GTF2IRD1: variants seen among roughly 807,000 people sequenced by gnomAD.
GTF2IRD1 encodes GTF2I repeat domain containing 1.
GTF2IRD1 carries 26 observed loss-of-function variants against 113.2 expected under a neutral mutation model. The ratio of observed to expected loss-of-function variants is 0.23; its 90% CI spans 0.17 to 0.32. The LOEUF is 0.32. Among genes scored for constraint, GTF2IRD1 ranks in the 10% least tolerant of loss-of-function variants. The probability of loss-of-function intolerance (pLI) is 1.00; values close to 1 mark genes in which losing one functional copy is unlikely to be tolerated. For missense variants in GTF2IRD1, 864 were observed against 1,280.8 expected, an observed-to-expected ratio of 0.67 and a Z score of 4.97; for synonymous variants, 484 against 529.1, an observed-to-expected ratio of 0.91 and a Z score of 1.17.
At position 74,536,206 on chromosome 7, in the gene GTF2IRD1, C is replaced by A. The variant is rs782293250; in HGVS notation, c.1340C>A (p.Ala447Asp). 12 of 1,613,532 alleles carry A rather than the reference C, an allele frequency of 7.4e-6. No individual in the cohort carries two copies. In the African/African-American group the frequency reaches 1.3e-4, roughly 18 times the overall value. The change falls in exon 11 of 27, where the codon GCC becomes GAC. Residue 447 changes from alanine (A) to aspartate (D), a missense_variant. By Grantham distance (126) the Ala-to-Asp change is moderately radical (BLOSUM62 -2). Transcript: ENST00000424337. The part of the protein sequence containing the change: ...FTKDTTKLEP[A>D]SPPEDTSAEV... The stretch of plus-strand genomic sequence containing the variant: ...AAAGACACCACGAAGCTGGAGCCAG[C>A]CAGCCCGCCAGAGGACACCTCTGCA...
At chr7:74,521,898 A>C (rs1422662620) in intron 7 of GTF2IRD1, among the ~76,000 whole-genome samples, 2 of 152,214 alleles carry the variant, frequency 1.3e-5, no homozygotes, top group Admixed American at 1.3e-4. Context: ...AGGGTCTTTC[A>C]TGAGGATGCA....
chr7:74,587,989 AG>A (rs1801819531), intron 22 of GTF2IRD1, among the ~76,000 whole-genome samples: 1 of 151,996 alleles, frequency 6.6e-6, no homozygotes, highest in Non-Finnish European at 1.5e-5. Flanking sequence ...AGCCCAGCAC[AG>A]TGACACCGGC....
At chr7:74,548,421 CAAAA>C (rs782421473) in intron 17 of GTF2IRD1, among the ~76,000 whole-genome samples, 1 of 120,424 alleles carries the variant, frequency 8.3e-6, no homozygotes, top group African/African-American at 3.1e-5. Flanking sequence ...GACTTCGTCT[CAAAA>C]AAAAAAAAAA....
intron 1 of GTF2IRD1, among the ~76,000 whole-genome samples, chr7:74,483,378 A>C (rs1316885293): frequency 6.6e-5 from 10 of 152,032 alleles, no homozygotes; most frequent in Non-Finnish European, 4.4e-5. Flanking sequence ...TCTCTAAAAA[A>C]AAAAAAATTT....
intron 1 of GTF2IRD1, among the ~76,000 whole-genome samples, chr7:74,488,600 T>C (rs1273034179): frequency 6.6e-6 from 1 of 150,668 alleles, no homozygotes; most frequent in Non-Finnish European, 1.5e-5. Context: ...TCTAACAAGA[T>C]TTTTTAAGTG....
chr7:74,602,507 G>T lies in GTF2IRD1; in HGVS notation c.*74G>T. ...AATTTATGTACAAAATGTATATTCG[G>T]ATATGTATCGATGCCTTTTAGTTTT... On this transcript the variant is annotated 3_prime_UTR_variant, in exon 27 of 27. Transcript: ENST00000424337. 1 of 1,215,812 alleles carries T rather than the reference G, an allele frequency of 8.2e-7. No homozygotes were observed. The highest frequency in any genetic ancestry group is 1.3e-5 in the South Asian group (1 of 79,550). 75.3% of individuals were successfully genotyped at this position (1,215,812 alleles called of 1,614,324 possible). A position where few individuals can be genotyped will look rare whatever the true frequency, so the allele number is the denominator to read the frequency against.
intron 22 of GTF2IRD1, among the ~76,000 whole-genome samples, chr7:74,570,362 CAA>C (rs1174785376): frequency 1.2e-4 from 11 of 90,140 alleles, no homozygotes; most frequent in Non-Finnish European, 1.4e-4. Context: ...GACTCTGTCT[CAA>C]AAAAAAAAAA....
chr7:74,543,261 C>G (rs1296444260), intron 14 of GTF2IRD1, among the ~76,000 whole-genome samples: 1 of 152,050 alleles, frequency 6.6e-6, no homozygotes, highest in Non-Finnish European at 1.5e-5. Flanking sequence ...AAGATCGCAC[C>G]ATTGCACTTC....
In GTF2IRD1 at chr7:74,545,754, T is replaced by C; in HGVS notation, c.1677T>C (p.Gly559=). ...PEERPVEDSH[G]DVIRPLRKQV... ...CCTTTTGCCTTCCAGACAGCCACGG[T>C]GACGTGATCCGGCCCCTGCGGAAGC... The change falls in exon 16 of 27, where the codon GGT becomes GGC. Residue 559 remains glycine (G), a synonymous_variant. Coordinates refer to ENST00000424337, the MANE Select transcript of GTF2IRD1 (RefSeq NM_005685.4). 6.2e-7 allele frequency: 1 copy of C among 1,612,514 alleles called. No individual in the cohort carries two copies. Among genetic ancestry groups the C allele is most frequent in the Non-Finnish European group, 8.5e-7 (1 of 1,179,736 alleles).
rs1554356455 is a variant in GTF2IRD1, at chr7:74,555,381, C to T, written c.1967-57C>T. The T allele has an allele frequency of 1.3e-5, 20 of 1,599,458 alleles. No individual in the cohort carries two copies. Among genetic ancestry groups the T allele is most frequent in the Non-Finnish European group, 1.7e-5 (20 of 1,166,746 alleles). ...ATTGGGTTTCCCCTAACGATGCCAT[C>T]TTGGGTCCCAGGAACTGCCTCCTCA... On this transcript the variant is annotated intron_variant, in intron 18 of 26. Coordinates refer to ENST00000424337, the MANE Select transcript of GTF2IRD1 (RefSeq NM_005685.4). The surrounding 1 kb of genome is among the most constrained non-coding windows in gnomAD (Gnocchi z 5.3).
intron 4 of GTF2IRD1, among the ~76,000 whole-genome samples, chr7:74,517,184 T>C (rs191606322): frequency 1.9e-4 from 28 of 149,350 alleles, no homozygotes; most frequent in African/African-American, 6.4e-4. Flanking sequence ...CCACCACACC[T>C]GGATAATTTT....
intron 8 of GTF2IRD1, among the ~76,000 whole-genome samples, chr7:74,528,517 C>T (rs1337765538): frequency 6.6e-6 from 1 of 152,070 alleles, no homozygotes; most frequent in Non-Finnish European, 1.5e-5. Context: ...AACCCCTGTT[C>T]TTATGCAGCT....
intron 25 of GTF2IRD1, among the ~76,000 whole-genome samples, chr7:74,599,876 C>T (rs1262908477): frequency 1.3e-5 from 2 of 152,104 alleles, no homozygotes; most frequent in Admixed American, 1.3e-4. Flanking sequence ...TCCAGCCTCC[C>T]CAGAACTCCC....
At chr7:74,599,548 C>T (rs1168698188) in intron 25 of GTF2IRD1, among the ~76,000 whole-genome samples, 1 of 152,114 alleles carries the variant, frequency 6.6e-6, no homozygotes, top group Non-Finnish European at 1.5e-5. Flanking sequence ...TAGTAAGTGG[C>T]CACAGTGAAA....
chr7:74,478,018 C>T (rs1430723712), intron 1 of GTF2IRD1, among the ~76,000 whole-genome samples: 1 of 152,186 alleles, frequency 6.6e-6, no homozygotes, highest in African/African-American at 2.4e-5. Flanking sequence ...TGTCTCCTGA[C>T]ACCCAGCCCC....
intron 1 of GTF2IRD1, among the ~76,000 whole-genome samples, chr7:74,481,988 C>T (rs944190106): frequency 6.6e-6 from 1 of 152,036 alleles, no homozygotes; most frequent in African/African-American, 2.4e-5. Context: ...AGAGCTCGAC[C>T]ACAGGTGTGG....
At chr7:74,478,946 A>G (rs1794581051) in intron 1 of GTF2IRD1, among the ~76,000 whole-genome samples, 1 of 151,108 alleles carries the variant, frequency 6.6e-6, no homozygotes, top group East Asian at 1.9e-4. Flanking sequence ...ATGGGGTCTC[A>G]CTATGTTGCC....
chr7:74,554,166 G>A lies in GTF2IRD1; in HGVS notation c.1917-1008G>A, dbSNP rs782638264. Among the ~76,000 whole-genome samples the A allele has an allele frequency of 2.0e-5, 3 of 151,978 alleles. No individual in the cohort carries two copies. In the South Asian group the frequency reaches 6.2e-4, roughly 31 times the overall value. On this transcript the variant is annotated intron_variant, in intron 17 of 26. Transcript: ENST00000424337. ...CCTCTCCAGGCCCATTACCTCTCCA[G>A]AGAGCTCATTACCTCTCTGCTCCAT...
At chr7:74,563,547 A>G (rs1381502601) in intron 22 of GTF2IRD1, among the ~76,000 whole-genome samples, 3 of 151,834 alleles carry the variant, frequency 2.0e-5, no homozygotes, top group Non-Finnish European at 4.4e-5. Context: ...ATTGCACTCC[A>G]GCCTGGGCAA....
Sources: allele counts gnomAD v4.1 joint callset (sites outside exome capture counted in the v4.1 genomes callset), GRCh38; gene constraint gnomAD v4.1.1; non-coding constraint Gnocchi (gnomAD v3.1); transcripts MANE v1.5; gene names NCBI Gene and HGNC (gene_info 2026-07-23, HGNC 2026-07-21).